The following CA6 variants were observed in gnomAD, a reference collection of about 807,000 sequenced individuals.
CA6 encodes the protein carbonic anhydrase 6.
Under a neutral mutation model 35.9 loss-of-function variants are expected in CA6, and 28 were observed. The ratio of observed to expected loss-of-function variants is 0.78; its 90% CI spans 0.58 to 1.07. CA6 has a LOEUF of 1.07. CA6 is among the 50% of genes least tolerant of loss of function. CA6 has a pLI of 0.00. For synonymous variants in CA6, 148 were observed against 152.6 expected (o/e 0.97, Z 0.22); for missense variants, 377 against 382.0 (o/e 0.99, Z 0.11).
intron 2 of CA6, among the ~76,000 whole-genome samples, chr1:8,956,838 C>T (rs1203184968): frequency 2.0e-5 from 3 of 152,196 alleles, no homozygotes; most frequent in Non-Finnish European, 4.4e-5. Flanking sequence ...CTGGACCTGC[C>T]ACTGTGTGGT....
At chr1:8,950,697 A>G (rs1639507965) in intron 2 of CA6, among the ~76,000 whole-genome samples, 1 of 151,848 alleles carries the variant, frequency 6.6e-6, no homozygotes, top group Non-Finnish European at 1.5e-5. Flanking sequence ...GTGAGACTTC[A>G]TCTCTACAAA....
At chr1:8,954,017 C>T (rs554258458) in intron 2 of CA6, among the ~76,000 whole-genome samples, 6 of 152,266 alleles carry the variant, frequency 3.9e-5, no homozygotes, top group East Asian at 3.9e-4. Context: ...GACATGGCAA[C>T]GTCAGGAAGT....
intron 2 of CA6, among the ~76,000 whole-genome samples, chr1:8,955,744 C>T (rs1321722770): frequency 6.9e-6 from 1 of 145,390 alleles, no homozygotes; most frequent in Admixed American, 6.9e-5. Context: ...TGCCAAACAG[C>T]CGGTGAAAAC....
At chr1:8,973,782 TTC>T (rs200865122) in intron 7 of CA6, among the ~76,000 whole-genome samples, 4 of 23,222 alleles carry the variant, frequency 1.7e-4, no homozygotes, top group Non-Finnish European at 2.4e-4. Flanking sequence ...CTTTCTTTCT[TTC>T]TTTTCCCTCC....
At chr1:8,950,019 G>A (rs1052964775) in intron 2 of CA6, among the ~76,000 whole-genome samples, 16 of 152,018 alleles carry the variant, frequency 1.1e-4, no homozygotes, top group African/African-American at 3.9e-4. Context: ...TCACTCTGTT[G>A]CCCAGGCTGG....
At chr1:8,969,087 G>A (rs1046938850) in intron 6 of CA6, among the ~76,000 whole-genome samples, 3 of 151,460 alleles carry the variant, frequency 2.0e-5, no homozygotes, top group Non-Finnish European at 4.4e-5. Context: ...ACGCCAAAGC[G>A]GGTGGATCAC....
At chr1:8,968,060 C>T (rs1640018328) in intron 6 of CA6, among the ~76,000 whole-genome samples, 1 of 151,434 alleles carries the variant, frequency 6.6e-6, no homozygotes, top group Non-Finnish European at 1.5e-5. Context: ...CTCCGCCTCC[C>T]AGGTTCAAGC....
At chr1:8,951,187 G>C (rs1557620785) in intron 2 of CA6, among the ~76,000 whole-genome samples, 1 of 149,082 alleles carries the variant, frequency 6.7e-6, no homozygotes, top group Non-Finnish European at 1.5e-5. Context: ...TTGCACCCCA[G>C]CCTGGGCAAC....
chr1:8,959,916 A>T (rs1284939570), intron 4 of CA6, among the ~76,000 whole-genome samples: 1 of 129,578 alleles, frequency 7.7e-6, no homozygotes, highest in Non-Finnish European at 1.6e-5. Context: ...TGGGCAATAA[A>T]GCTAGATTCT....
intron 4 of CA6, among the ~76,000 whole-genome samples, chr1:8,961,391 T>G (rs1639840288): frequency 1.3e-5 from 2 of 152,212 alleles, no homozygotes; most frequent in African/African-American, 4.8e-5. Flanking sequence ...ATAATATATG[T>G]AGATATAATG....
intron 1 of CA6, 77 bp downstream of exon 1, chr1:8,946,042 C>CTT (rs879044243): frequency 2.4e-4 from 165 of 675,584 alleles, no homozygotes; most frequent in South Asian, 4.0e-4. Flanking sequence ...TCTTCTTCTT[C>CTT]TTTTTTTTTT....
At chr1:8,961,081 T>C (rs1451222765) in intron 4 of CA6, among the ~76,000 whole-genome samples, 2 of 152,140 alleles carry the variant, frequency 1.3e-5, no homozygotes, top group Non-Finnish European at 2.9e-5. Context: ...TGACTGTCAA[T>C]CAAGAATTCT....
chr1:8,971,926 T>C lies in CA6; in HGVS notation c.844+945T>C, dbSNP rs1372212708. ...CCTCATCTTTATTTTGTCTGCTTTCTGTAAAGTTGTGGTGAATCCATTGTC... is the reference window on the plus strand; with the variant it reads ...CCTCATCTTTATTTTGTCTGCTTTCCGTAAAGTTGTGGTGAATCCATTGTC... On this transcript the variant is annotated intron_variant, in intron 7 of 7. Transcript: ENST00000377443. Among the ~76,000 whole-genome samples, 2 of 152,250 alleles carry C rather than the reference T, an allele frequency of 1.3e-5. 1 individual carries two copies. Among genetic ancestry groups the C allele is most frequent in the Non-Finnish European group, 2.9e-5 (2 of 68,040 alleles).
chr1:8,960,961 C>T (rs919080527), intron 4 of CA6, among the ~76,000 whole-genome samples: 1 of 152,082 alleles, frequency 6.6e-6, no homozygotes, highest in Non-Finnish European at 1.5e-5. Context: ...AGTCTAGATA[C>T]ATCAAAAATC....
At chr1:8,949,236 C>A in intron 1 of CA6, 27 bp from the exon 2 acceptor site, 1 of 1,557,950 alleles carries the variant, frequency 6.4e-7, no homozygotes. Context: ...CCAGGCAGCC[C>A]CTTGAACTGT....
chr1:8,963,262 C>T lies in CA6; in HGVS notation c.571+606C>T, dbSNP rs368743475. Among the ~76,000 whole-genome samples, 5 of 152,232 alleles carry T rather than the reference C, an allele frequency of 3.3e-5. No homozygotes were observed. The highest frequency in any genetic ancestry group is 5.9e-5 in the Non-Finnish European group (4 of 68,024). On this transcript the variant is annotated intron_variant, in intron 5 of 7. Transcript: ENST00000377443. The surrounding 1 kb of genome is among the most constrained non-coding windows in gnomAD (Gnocchi z 4.1). ...CAGCCCCTCCTGCAATTCACCTGACCGGAGTCCTCCAAACCTGGGGCTTCC... is the reference window on the plus strand; with the variant it reads ...CAGCCCCTCCTGCAATTCACCTGACTGGAGTCCTCCAAACCTGGGGCTTCC...
At chr1:8,948,873 T>C (rs1350677993) in intron 1 of CA6, among the ~76,000 whole-genome samples, 2 of 151,526 alleles carry the variant, frequency 1.3e-5, no homozygotes, top group Non-Finnish European at 2.9e-5. Context: ...CGGAGGCTGA[T>C]GCCGGATAAT....
chr1:8,964,416 T>C (rs1639920067), intron 5 of CA6, among the ~76,000 whole-genome samples: 1 of 152,078 alleles, frequency 6.6e-6, no homozygotes, highest in Non-Finnish European at 1.5e-5. Flanking sequence ...CCTGGCCAAT[T>C]TTTTGTATTT....
intron 3 of CA6, 22 bp downstream of exon 3, chr1:8,957,307 G>A: frequency 1.3e-6 from 2 of 1,593,674 alleles, no homozygotes; most frequent in Non-Finnish European, 1.7e-6. Context: ...CCCCCACTGT[G>A]TCCTCTTTCC....
Sources: allele counts gnomAD v4.1 joint callset (sites outside exome capture counted in the v4.1 genomes callset), GRCh38; gene constraint gnomAD v4.1.1; non-coding constraint Gnocchi (gnomAD v3.1); transcripts MANE v1.5; gene names NCBI Gene and HGNC (gene_info 2026-07-23, HGNC 2026-07-21).